Variants in GRID2 observed in about 807,000 individuals in gnomAD.
GRID2 encodes glutamate receptor ionotropic, delta-2.
In GRID2, 33 loss-of-function variants were observed where a neutral mutation model predicts 114.8. The observed-to-expected ratio is 0.29, with a 90% confidence interval of 0.22 to 0.38. The LOEUF is 0.38. Ranked by LOEUF, GRID2 falls within the 10% of genes least tolerant of loss-of-function variation. GRID2 has a pLI of 1.00. For missense variants in GRID2, 1,184 were observed against 1,257.7 expected, an observed-to-expected ratio of 0.94 and a Z score of 0.89; for synonymous variants, 505 against 449.9, an observed-to-expected ratio of 1.12 and a Z score of -1.55.
At chr4:93,547,774 T>A (rs1293756344) in intron 13 of GRID2, among the ~76,000 whole-genome samples, 1 of 152,284 alleles carries the variant, frequency 6.6e-6, no homozygotes, top group Admixed American at 6.5e-5. Context: ...CTGACCTAAG[T>A]AGGAGCTTGT....
At chr4:92,472,210 G>A (rs1261160599) in intron 1 of GRID2, among the ~76,000 whole-genome samples, 2 of 60,904 alleles carry the variant, frequency 3.3e-5, no homozygotes, top group Non-Finnish European at 6.8e-5. Flanking sequence ...TGGGATTACA[G>A]GCGTGAGCCA....
rs952778624 is a variant in GRID2, at chr4:92,652,972, A to G, written c.244+62686A>G. Among the ~76,000 whole-genome samples the G allele has an allele frequency of 3.5e-5, 5 of 144,644 alleles. 1 individual carries two copies. The highest frequency in any genetic ancestry group is 4.3e-4 in the South Asian group (2 of 4,660). The allele number at this position is 144,644 out of a possible 152,430, so 94.9% of individuals were successfully genotyped here. A position where few individuals can be genotyped will look rare whatever the true frequency, so the allele number is the denominator to read the frequency against. ...TATAAATATATATAAACATATTTAT[A>G]AATACATATAAATATATATAAATAT... On this transcript the variant is annotated intron_variant, in intron 2 of 15. Coordinates refer to ENST00000282020, the MANE Select transcript of GRID2 (RefSeq NM_001510.4).
chr4:92,645,582 T>C (rs545574745), intron 2 of GRID2, among the ~76,000 whole-genome samples: 28 of 151,790 alleles, frequency 1.8e-4, no homozygotes, highest in African/African-American at 6.7e-4. Flanking sequence ...GAGTAAGTAA[T>C]ATCCAGATCA....
At chr4:93,449,152 C>G (rs1229390175) in intron 10 of GRID2, among the ~76,000 whole-genome samples, 2 of 151,462 alleles carry the variant, frequency 1.3e-5, no homozygotes, top group Non-Finnish European at 2.9e-5. Flanking sequence ...CAAGAAATTT[C>G]AAATATTTAC....
intron 1 of GRID2, among the ~76,000 whole-genome samples, chr4:92,554,305 A>G (rs1487549675): frequency 6.6e-6 from 1 of 152,228 alleles, no homozygotes; most frequent in Admixed American, 6.5e-5. Flanking sequence ...ATCGAGTAAT[A>G]TGATTTAGAA....
At chr4:92,581,454 G>A (rs146773719) in intron 1 of GRID2, among the ~76,000 whole-genome samples, 21 of 152,162 alleles carry the variant, frequency 1.4e-4, no homozygotes, top group African/African-American at 4.3e-4. Flanking sequence ...ACTTCTGGAA[G>A]ACACACAGCA....
intron 14 of GRID2, among the ~76,000 whole-genome samples, chr4:93,690,767 AATGATTAT>A (rs1726485120): frequency 1.3e-5 from 2 of 151,672 alleles, no homozygotes; most frequent in Non-Finnish European, 3.0e-5. Context: ...ATTATACTGG[AATGATTAT>A]CTGGTTTGAA....
intron 2 of GRID2, among the ~76,000 whole-genome samples, chr4:92,803,313 G>A (rs1578211936): frequency 6.6e-6 from 1 of 151,856 alleles, no homozygotes; most frequent in Non-Finnish European, 1.5e-5. Flanking sequence ...AGTTTTCCTG[G>A]AGTCCCCATT....
Position 92,805,255 on chromosome 4 carries a change from G to T in GRID2, c.244+214969G>T, listed in dbSNP as rs561626666. Among the ~76,000 whole-genome samples, 9 of 151,562 alleles carry T rather than the reference G, an allele frequency of 5.9e-5. No individual in the cohort carries two copies. The South Asian group carries it at 6.2e-4, about 10-fold the overall frequency. On this transcript the variant is annotated intron_variant, in intron 2 of 15. Coordinates refer to ENST00000282020, the MANE Select transcript of GRID2 (RefSeq NM_001510.4). ...TTGATACTTTTCTCTCTCTCTCTCT[G>T]TGCTTCAACTACCTCATTTATACAG...
chr4:93,258,150 C>A (rs2149543931), intron 8 of GRID2, among the ~76,000 whole-genome samples: 1 of 151,206 alleles, frequency 6.6e-6, no homozygotes, highest in African/African-American at 2.4e-5. Context: ...GCATGTAATT[C>A]TTGATTAAAA....
chr4:93,536,164 C>T (rs1732049158), intron 13 of GRID2, among the ~76,000 whole-genome samples: 1 of 151,956 alleles, frequency 6.6e-6, no homozygotes, highest in Non-Finnish European at 1.5e-5. Flanking sequence ...AAATCCTTAT[C>T]ATGATTCCAA....
intron 14 of GRID2, among the ~76,000 whole-genome samples, chr4:93,731,633 C>G (rs1430128465): frequency 6.6e-6 from 1 of 152,168 alleles, no homozygotes; most frequent in Non-Finnish European, 1.5e-5. Context: ...GGGGTGAAGC[C>G]TTCTAAGCAG....
intron 8 of GRID2, among the ~76,000 whole-genome samples, chr4:93,347,518 G>A (rs1760358929): frequency 6.6e-6 from 1 of 152,042 alleles, no homozygotes; most frequent in Admixed American, 6.6e-5. Context: ...CCTATAAGTG[G>A]TAGTTGAGAA....
intron 1 of GRID2, among the ~76,000 whole-genome samples, chr4:92,575,951 C>A (rs1727869591): frequency 6.6e-6 from 1 of 152,162 alleles, no homozygotes; most frequent in Non-Finnish European, 1.5e-5. Flanking sequence ...CAGGGTCCCC[C>A]TTAAAGAAGC....
chr4:93,246,383 C>T (rs968023844), intron 8 of GRID2, among the ~76,000 whole-genome samples: 4 of 151,998 alleles, frequency 2.6e-5, no homozygotes, highest in Admixed American at 1.3e-4. Context: ...GTCAGGAGAT[C>T]GAGATCATCC....
At chr4:93,759,808 GGA>G (rs984341719) in intron 14 of GRID2, among the ~76,000 whole-genome samples, 6 of 152,194 alleles carry the variant, frequency 3.9e-5, no homozygotes, top group Non-Finnish European at 8.8e-5. Context: ...GTTTGTAAAT[GGA>G]TACAGTGGAA....
At position 93,317,986 on chromosome 4, in the gene GRID2, A is replaced by AATATATATATATATATATATATAT. The variant is rs58755199; in HGVS notation, c.1246-77608_1246-77585dup. On this transcript the variant is annotated intron_variant, in intron 8 of 15. Coordinates refer to ENST00000282020, the MANE Select transcript of GRID2 (RefSeq NM_001510.4). ...GTTTTATCTTTCCCTTTAAAAGTGA[A>AATATATATATATATATATATATAT]ATATATATATATATATATATATATA... 3.6e-3 allele frequency among the ~76,000 whole-genome samples: 366 copies of AATATATATATATATATATATATAT among 100,818 alleles called. 24 individuals carry two copies. Among genetic ancestry groups the AATATATATATATATATATATATAT allele is most frequent in the Non-Finnish European group, 4.9e-3 (232 of 47,626 alleles). The allele number at this position is 100,818 out of a possible 152,430, so 66.1% of individuals were successfully genotyped here.
intron 1 of GRID2, among the ~76,000 whole-genome samples, chr4:92,486,017 TG>T (rs1294490598): frequency 1.3e-5 from 2 of 151,882 alleles, no homozygotes; most frequent in East Asian, 1.9e-4. Flanking sequence ...ACTATGCTAA[TG>T]GGTTCTCATT....
chr4:93,320,783 G>T (rs1757128354), intron 8 of GRID2, among the ~76,000 whole-genome samples: 1 of 151,996 alleles, frequency 6.6e-6, no homozygotes, highest in African/African-American at 2.4e-5. Context: ...GATTCCTATT[G>T]TAATGGAAAT....
Sources: allele counts gnomAD v4.1 joint callset (sites outside exome capture counted in the v4.1 genomes callset), GRCh38; gene constraint gnomAD v4.1.1; transcripts MANE v1.5; gene names NCBI Gene and HGNC (gene_info 2026-07-23, HGNC 2026-07-21).